TANC1: variants seen among roughly 807,000 people sequenced by gnomAD.
TANC1 encodes the protein tetratricopeptide repeat, ankyrin repeat and coiled-coil containing 1.
A neutral mutation model predicts 149.7 loss-of-function variants in TANC1; 77 were observed. That is an observed-to-expected ratio of 0.51 (90% CI 0.43 to 0.62). The LOEUF (loss-of-function observed/expected upper bound fraction) is 0.62. Ranked by LOEUF, TANC1 falls within the 20% of genes least tolerant of loss-of-function variation. The pLI is 0.00. For synonymous variants in TANC1, 854 were observed against 925.0 expected (o/e 0.92, Z 1.39); for missense variants, 1,985 against 2,321.8 (o/e 0.85, Z 2.98).
intron 16 of TANC1, among the ~76,000 whole-genome samples, chr2:159,190,832 G>T (rs1294455208): frequency 6.6e-6 from 1 of 152,220 alleles, no homozygotes; most frequent in Non-Finnish European, 1.5e-5. Context: ...GATTACAGGC[G>T]TGAGCCACCA....
intron 8 of TANC1, among the ~76,000 whole-genome samples, chr2:159,166,417 A>C (rs2054603213): frequency 6.6e-6 from 1 of 152,116 alleles, no homozygotes; most frequent in African/African-American, 2.4e-5. Flanking sequence ...CTCACCAAAA[A>C]ACGGACTTTC....
At chr2:159,011,623 G>A (rs564617536) in intron 2 of TANC1, among the ~76,000 whole-genome samples, 2 of 146,300 alleles carry the variant, frequency 1.4e-5, no homozygotes, top group East Asian at 4.2e-4. Context: ...GCATCCTCAA[G>A]GTCCTGGCCT....
At chr2:159,094,585 C>A (rs187265010) in intron 3 of TANC1, among the ~76,000 whole-genome samples, 3 of 152,178 alleles carry the variant, frequency 2.0e-5, no homozygotes, top group Admixed American at 1.3e-4. Flanking sequence ...TCTGTTTCCT[C>A]GCCAGACAGT....
intron 3 of TANC1, among the ~76,000 whole-genome samples, chr2:159,095,896 C>A (rs146065756): frequency 6.6e-6 from 1 of 151,982 alleles, no homozygotes; most frequent in Non-Finnish European, 1.5e-5. Flanking sequence ...GGTTTGTATC[C>A]CCTTTGAGCC....
At chr2:159,185,483 G>A (rs1032286374) in intron 14 of TANC1, among the ~76,000 whole-genome samples, 4 of 152,168 alleles carry the variant, frequency 2.6e-5, no homozygotes, top group South Asian at 2.1e-4. Context: ...TCCTTCCCAC[G>A]TGAGACCTTG....
Position 159,219,334 on chromosome 2 carries a change from A to G in TANC1, c.3475A>G (p.Ser1159Gly). ...LMVAACEGHL[S>G]TVEFLLSKGA... ...GGTGGCTGCTTGTGAAGGGCACTTG[A>G]GCACCGTGGAATTCCTCCTTTCAAA... The change falls in exon 21 of 27, where the codon AGC becomes GGC. Residue 1159 changes from serine (S) to glycine (G), a missense_variant. This residue lies in a region of TANC1 where 920 missense variants were observed against 994.7 expected (regional missense o/e 0.92). Transcript: ENST00000263635. 2.5e-6 allele frequency: 4 copies of G among 1,614,046 alleles called. No homozygotes were observed. In the African/African-American group the frequency reaches 4.0e-5, roughly 16 times the overall value.
At chr2:159,222,457 A>G (rs1039143290) in intron 22 of TANC1, among the ~76,000 whole-genome samples, 1 of 152,182 alleles carries the variant, frequency 6.6e-6, no homozygotes, top group Non-Finnish European at 1.5e-5. Flanking sequence ...CCCTTTAGAT[A>G]TCTCATGTAA....
rs142626154 is a variant in TANC1, at chr2:159,217,456, C to T, written c.3245-41C>T. ...AGAATTTCTGGCTATCTGTGCTCCA[C>T]CACATGCTAACAGATTCCCCTCCAT... On this transcript the variant is annotated intron_variant, in intron 19 of 26. Coordinates refer to ENST00000263635, the MANE Select transcript of TANC1 (RefSeq NM_033394.3). 1.9e-5 allele frequency: 30 copies of T among 1,612,674 alleles called. No homozygotes were observed. In the African/African-American group the frequency reaches 1.9e-4, roughly 10 times the overall value.
At chr2:159,030,598 TCA>T (rs958339619) in intron 2 of TANC1, among the ~76,000 whole-genome samples, 39 of 152,328 alleles carry the variant, frequency 2.6e-4, no homozygotes, top group African/African-American at 9.4e-4. Context: ...CTGATTTTCC[TCA>T]GTTTTCGCCT....
chr2:159,162,557 T>G (rs1254893743), intron 7 of TANC1, among the ~76,000 whole-genome samples: 1 of 152,226 alleles, frequency 6.6e-6, no homozygotes, highest in Non-Finnish European at 1.5e-5. Flanking sequence ...CTTTCTGCTC[T>G]TTTGCCAAGA....
At chr2:159,044,308 G>T (rs1247057136) in intron 2 of TANC1, among the ~76,000 whole-genome samples, 2 of 151,910 alleles carry the variant, frequency 1.3e-5, no homozygotes, top group Admixed American at 1.3e-4. Context: ...ATGGTGGCAT[G>T]CACCTGTAGT....
intron 19 of TANC1, 83 bp downstream of exon 19, chr2:159,199,136 A>T: frequency 1.0e-6 from 1 of 994,268 alleles, no homozygotes; most frequent in Non-Finnish European, 1.6e-6. Flanking sequence ...CTTAAGAATG[A>T]CTGATATATG....
Position 159,062,973 on chromosome 2 carries a change from C to CAAAAAAAAAAAAAAAAAA in TANC1, c.-15-2918_-15-2901dup, listed in dbSNP as rs58675911. 7.8e-3 allele frequency among the ~76,000 whole-genome samples: 322 copies of CAAAAAAAAAAAAAAAAAA among 41,194 alleles called. 15 individuals carry two copies. Among genetic ancestry groups the CAAAAAAAAAAAAAAAAAA allele is most frequent in the Non-Finnish European group, 0.014 (252 of 18,654 alleles). 27.0% of individuals were successfully genotyped at this position (41,194 alleles called of 152,430 possible). A position where few individuals can be genotyped will look rare whatever the true frequency, so the allele number is the denominator to read the frequency against. The stretch of plus-strand genomic sequence containing the variant: ...TGGGCGACAGAGCGAGACTCCGTCT[C>CAAAAAAAAAAAAAAAAAA]AAAAAAAAAAAAAAAAAAAAAAGAA... On this transcript the variant is annotated intron_variant, in intron 2 of 26. Transcript: ENST00000263635.
intron 3 of TANC1, among the ~76,000 whole-genome samples, chr2:159,089,138 G>A (rs1471073075): frequency 2.6e-5 from 4 of 151,970 alleles, no homozygotes; most frequent in Non-Finnish European, 5.9e-5. Flanking sequence ...TCCACAGTGG[G>A]CTGGGCTCTG....
intron 2 of TANC1, among the ~76,000 whole-genome samples, chr2:159,057,530 G>A (rs927680743): frequency 6.6e-5 from 10 of 152,208 alleles, no homozygotes; most frequent in African/African-American, 2.4e-4. Context: ...TGGTCCAGGA[G>A]AGCCAGGGCA....
At chr2:159,038,418 C>G (rs1290162582) in intron 2 of TANC1, among the ~76,000 whole-genome samples, 1 of 152,144 alleles carries the variant, frequency 6.6e-6, no homozygotes, top group Admixed American at 6.5e-5. Context: ...GAGGGCATCC[C>G]TGTCTTGTGG....
chr2:159,117,384 TA>T (rs1379712514), intron 4 of TANC1, among the ~76,000 whole-genome samples: 1 of 152,124 alleles, frequency 6.6e-6, no homozygotes, highest in East Asian at 1.9e-4. Flanking sequence ...TGATACCTAC[TA>T]AAGTCTGTAC....
At chr2:159,146,168 C>G (rs1305369021) in intron 5 of TANC1, among the ~76,000 whole-genome samples, 1 of 152,184 alleles carries the variant, frequency 6.6e-6, no homozygotes, top group African/African-American at 2.4e-5. Context: ...CCCAAGATGG[C>G]TCAGTGACAC....
At chr2:159,132,903 G>A (rs896684137) in intron 4 of TANC1, among the ~76,000 whole-genome samples, 8 of 152,238 alleles carry the variant, frequency 5.3e-5, no homozygotes, top group African/African-American at 1.4e-4. Flanking sequence ...GAATAGAACC[G>A]TTCTAAGACA....
Sources: gnomAD v4.1 joint callset for allele counts (sites outside exome capture counted in the v4.1 genomes callset) on GRCh38, gnomAD v4.1.1 for gene constraint, gnomAD v4.1.1 regional missense constraint, MANE v1.5 for transcripts, NCBI Gene and HGNC (gene_info 2026-07-23, HGNC 2026-07-21) for gene names.